C3orf70: variants seen among roughly 807,000 people sequenced by gnomAD.
The protein encoded by C3orf70 is UPF0524 protein C3orf70.
C3orf70 carries 15 observed loss-of-function variants against 20.7 expected under a neutral mutation model. That is an observed-to-expected ratio of 0.72 (90% CI 0.48 to 1.11). C3orf70 has a LOEUF of 1.11. Among genes scored for constraint, C3orf70 ranks in the 50% most tolerant of loss-of-function variants. C3orf70 has a pLI of 0.00. For synonymous variants in C3orf70, 161 were observed against 125.7 expected, an observed-to-expected ratio of 1.28 and a Z score of -1.88; for missense variants, 332 against 317.6, an observed-to-expected ratio of 1.05 and a Z score of -0.34.
intron 1 of C3orf70, among the ~76,000 whole-genome samples, chr3:185,142,182 G>T (rs373684292): frequency 1.3e-5 from 2 of 152,268 alleles, no homozygotes; most frequent in African/African-American, 4.8e-5. Flanking sequence ...CAATTTGGCT[G>T]GGCACAGTGG....
intron 1 of C3orf70, among the ~76,000 whole-genome samples, chr3:185,093,204 T>C (rs68183022): frequency 0.07 from 10,592 of 152,258 alleles, 516 homozygotes; most frequent in South Asian, 0.14. Flanking sequence ...CCAAGCAACC[T>C]GTACAGGGCA....
chr3:185,148,025 T>TA (rs1218381850), intron 1 of C3orf70, among the ~76,000 whole-genome samples: 2 of 152,238 alleles, frequency 1.3e-5, no homozygotes, highest in Admixed American at 1.3e-4. Flanking sequence ...CATCTCTTCT[T>TA]AGACTCCTCT....
chr3:185,134,116 C>CTCAT (rs71298571), intron 1 of C3orf70, among the ~76,000 whole-genome samples: 11 of 134,744 alleles, frequency 8.2e-5, no homozygotes, highest in Non-Finnish European at 1.5e-4. Context: ...AAAAATACAT[C>CTCAT]ATATATATAT....
At chr3:185,103,475 C>T (rs1561339728) in intron 1 of C3orf70, among the ~76,000 whole-genome samples, 1 of 149,604 alleles carries the variant, frequency 6.7e-6, no homozygotes, top group East Asian at 1.9e-4. Context: ...TAATATCCAT[C>T]ATCGAGAAGA....
chr3:185,139,765 C>G lies in C3orf70; in HGVS notation c.196+12863G>C, dbSNP rs908462775. ...CTTTCAACAAATGGTGCTGGAGCAA[C>G]TGGACATCCATAGGCAAAGAAGTGA... On this transcript the variant is annotated intron_variant, in intron 1 of 1. Transcript: ENST00000335012. Among the ~76,000 whole-genome samples the G allele has an allele frequency of 2.0e-5, 3 of 152,074 alleles. No homozygotes were observed. The East Asian group carries it at 5.8e-4, about 29-fold the overall frequency.
At chr3:185,124,726 A>G (rs1716372818) in intron 1 of C3orf70, among the ~76,000 whole-genome samples, 1 of 152,220 alleles carries the variant, frequency 6.6e-6, no homozygotes, top group Admixed American at 6.5e-5. Flanking sequence ...TAGACAGTGT[A>G]AGAAAATGAA....
chr3:185,144,608 A>T (rs1716818587), intron 1 of C3orf70, among the ~76,000 whole-genome samples: 1 of 152,168 alleles, frequency 6.6e-6, no homozygotes, highest in South Asian at 2.1e-4. Context: ...AGTAGCTGGG[A>T]TTACAGGCAT....
intron 1 of C3orf70, among the ~76,000 whole-genome samples, chr3:185,116,650 C>A (rs926687146): frequency 2.6e-5 from 4 of 152,192 alleles, no homozygotes; most frequent in Non-Finnish European, 5.9e-5. Flanking sequence ...AGAACCACTG[C>A]CTTAATTTGT....
rs190878114 is a variant in C3orf70 at position 185,135,347 on chromosome 3, G to A, written c.196+17281C>T. On this transcript the variant is annotated intron_variant, in intron 1 of 1. Transcript: ENST00000335012. ...AGAAGTATAAAGAACCAGGCCAGGCGCAGTGGCTCATGCCTGTAATCCCAG... is the reference window on the plus strand; with the variant it reads ...AGAAGTATAAAGAACCAGGCCAGGCACAGTGGCTCATGCCTGTAATCCCAG... Among the ~76,000 whole-genome samples the A allele has an allele frequency of 1.2e-3, 180 of 152,296 alleles. 1 individual carries two copies. Among genetic ancestry groups the A allele is most frequent in the Admixed American group, 7.5e-3 (114 of 15,292 alleles).
chr3:185,098,749 A>T (rs1715760707), intron 1 of C3orf70, among the ~76,000 whole-genome samples: 1 of 152,226 alleles, frequency 6.6e-6, no homozygotes, highest in Non-Finnish European at 1.5e-5. Flanking sequence ...AATGAGATTA[A>T]CATTTAAATC....
At chr3:185,142,075 C>G (rs1199653604) in intron 1 of C3orf70, among the ~76,000 whole-genome samples, 1 of 152,114 alleles carries the variant, frequency 6.6e-6, no homozygotes, top group Non-Finnish European at 1.5e-5. Context: ...GACATAGAAG[C>G]CAGCTTGCAG....
At chr3:185,089,487 G>T (rs1433629327) in intron 1 of C3orf70, among the ~76,000 whole-genome samples, 1 of 152,106 alleles carries the variant, frequency 6.6e-6, no homozygotes, top group East Asian at 1.9e-4. Flanking sequence ...AGGAGCCCTA[G>T]TTCCTTTTAT....
At chr3:185,103,778 G>A (rs141346358) in intron 1 of C3orf70, among the ~76,000 whole-genome samples, 179 of 152,320 alleles carry the variant, frequency 1.2e-3, no homozygotes, top group Non-Finnish European at 2.0e-3. Context: ...AACTCAGGCT[G>A]CACCTGCAGA....
At chr3:185,093,342 A>AAAAT (rs565638557) in intron 1 of C3orf70, among the ~76,000 whole-genome samples, 2 of 152,230 alleles carry the variant, frequency 1.3e-5, no homozygotes, top group African/African-American at 4.8e-5. Context: ...CCATAAATCT[A>AAAAT]AAATAGAGAA....
chr3:185,097,771 G>A (rs909919165), intron 1 of C3orf70, among the ~76,000 whole-genome samples: 6 of 152,194 alleles, frequency 3.9e-5, no homozygotes, highest in Non-Finnish European at 8.8e-5. Flanking sequence ...AAACAACCAC[G>A]TGAGAAAAGA....
At chr3:185,108,935 G>A (rs28785612) in intron 1 of C3orf70, among the ~76,000 whole-genome samples, 7,926 of 152,224 alleles carry the variant, frequency 0.052, 675 homozygotes, top group African/African-American at 0.18. Context: ...AGTGTTTTGC[G>A]GTGATGGGCA....
chr3:185,085,022 TATCCTAGGCAGC>T (rs1157490818), intron 1 of C3orf70, among the ~76,000 whole-genome samples: 2 of 152,190 alleles, frequency 1.3e-5, no homozygotes, highest in Non-Finnish European at 2.9e-5. Flanking sequence ...GGGTGCTGTC[TATCCTAGGCAGC>T]ATCCTCGGCC....
chr3:185,125,536 C>CA (rs1189498271), intron 1 of C3orf70, among the ~76,000 whole-genome samples: 2 of 152,082 alleles, frequency 1.3e-5, no homozygotes, highest in African/African-American at 2.4e-5. Flanking sequence ...TACATTCTCA[C>CA]AAAAAATGCA....
At chr3:185,148,322 C>G (rs961541118) in intron 1 of C3orf70, among the ~76,000 whole-genome samples, 1 of 152,208 alleles carries the variant, frequency 6.6e-6, no homozygotes, top group Non-Finnish European at 1.5e-5. Context: ...AAACTAGATT[C>G]ATGACCTTCC....
Sources: allele counts gnomAD v4.1 joint callset (sites outside exome capture counted in the v4.1 genomes callset), GRCh38; gene constraint gnomAD v4.1.1; transcripts MANE v1.5; gene names NCBI Gene and HGNC (gene_info 2026-07-23, HGNC 2026-07-21).